The following HDAC9 variants were observed in gnomAD, a reference collection of about 807,000 sequenced individuals.
The protein encoded by HDAC9 is histone deacetylase 9.
In HDAC9, 41 loss-of-function variants were observed where a neutral mutation model predicts 139.4. The observed-to-expected ratio is 0.29, with a 90% CI of 0.23 to 0.38. HDAC9 has a LOEUF of 0.38. Among genes scored for constraint, HDAC9 ranks in the 10% least tolerant of loss-of-function variants. The pLI, the probability that HDAC9 is intolerant of heterozygous loss-of-function variation, is 1.00. For synonymous variants in HDAC9, 517 were observed against 476.2 expected, an observed-to-expected ratio of 1.09 and a Z score of -1.12; for missense variants, 1,147 against 1,297.0, an observed-to-expected ratio of 0.88 and a Z score of 1.78.
At chr7:18,190,575 C>T (rs924615760) in intron 2 of HDAC9, among the ~76,000 whole-genome samples, 2 of 152,240 alleles carry the variant, frequency 1.3e-5, no homozygotes, top group South Asian at 4.1e-4. Flanking sequence ...AAGGCATTAA[C>T]TGTAAGATTA....
At chr7:18,683,127 C>A (rs560023754) in intron 12 of HDAC9, among the ~76,000 whole-genome samples, 1 of 151,542 alleles carries the variant, frequency 6.6e-6, no homozygotes, top group African/African-American at 2.4e-5. Context: ...TTACAAAAAA[C>A]GAATAACAAT....
intron 21 of HDAC9, among the ~76,000 whole-genome samples, chr7:18,863,217 C>G (rs1798242168): frequency 6.6e-6 from 1 of 152,090 alleles, no homozygotes; most frequent in African/African-American, 2.4e-5. Context: ...GAGTGAGGCA[C>G]CAAGAAAATC....
intron 15 of HDAC9, 30 bp from the exon 16 acceptor site, chr7:18,767,072 TTATC>T (rs757216646): frequency 3.8e-6 from 4 of 1,045,588 alleles, no homozygotes; most frequent in African/African-American, 3.3e-5. Context: ...TAACCTCCAT[TTATC>T]TATATTTTTT....
At chr7:18,919,087 A>T (rs1288606205) in intron 22 of HDAC9, among the ~76,000 whole-genome samples, 1 of 152,110 alleles carries the variant, frequency 6.6e-6, no homozygotes, top group African/African-American at 2.4e-5. Flanking sequence ...GCCACAATTA[A>T]TGTAAAGGCC....
At chr7:18,385,685 T>C (rs894000529) in intron 1 of HDAC9, among the ~76,000 whole-genome samples, 1 of 152,192 alleles carries the variant, frequency 6.6e-6, no homozygotes, top group African/African-American at 2.4e-5. Context: ...TTCTCATAAA[T>C]TGGCTTTAGA....
At chr7:18,533,151 G>A (rs373207338) in intron 2 of HDAC9, among the ~76,000 whole-genome samples, 3 of 152,154 alleles carry the variant, frequency 2.0e-5, no homozygotes, top group African/African-American at 7.2e-5. Context: ...TTGCAAAATC[G>A]TACCCTCTAT....
intron 2 of HDAC9, among the ~76,000 whole-genome samples, chr7:18,556,153 C>T (rs1818730066): frequency 6.6e-6 from 1 of 151,952 alleles, no homozygotes; most frequent in South Asian, 2.1e-4. Flanking sequence ...AGCTGTGAAT[C>T]ATGGCTGTAT....
chr7:18,481,804 G>A (rs892385299), intron 1 of HDAC9, among the ~76,000 whole-genome samples: 1 of 152,162 alleles, frequency 6.6e-6, no homozygotes, highest in Admixed American at 6.5e-5. Flanking sequence ...ATGGAGCTAA[G>A]TCCAGGCTAG....
At chr7:18,459,944 C>CTTTTTTTT (rs773866817) in intron 1 of HDAC9, among the ~76,000 whole-genome samples, 1 of 129,360 alleles carries the variant, frequency 7.7e-6, no homozygotes. Context: ...TACAGATTTG[C>CTTTTTTTT]TTTTTTTTTT....
At chr7:18,219,760 CT>C (rs1792557145) in intron 2 of HDAC9, among the ~76,000 whole-genome samples, 2 of 152,070 alleles carry the variant, frequency 1.3e-5, no homozygotes, top group South Asian at 4.1e-4. Flanking sequence ...TTCCAAAAAA[CT>C]TTATTTTGGT....
chr7:18,801,945 T>A (rs954431450), intron 17 of HDAC9, among the ~76,000 whole-genome samples: 2 of 151,958 alleles, frequency 1.3e-5, no homozygotes, highest in Non-Finnish European at 1.5e-5. Context: ...ACCGCTTATT[T>A]TTCCTCTTTT....
intron 2 of HDAC9, among the ~76,000 whole-genome samples, chr7:18,500,060 G>T (rs1275745272): frequency 6.6e-6 from 1 of 152,088 alleles, no homozygotes; most frequent in Non-Finnish European, 1.5e-5. Context: ...TATCAATTGA[G>T]ATAGATGATA....
At chr7:18,763,769 C>CA (rs1345551514) in intron 15 of HDAC9, among the ~76,000 whole-genome samples, 6 of 151,962 alleles carry the variant, frequency 3.9e-5, no homozygotes, top group Non-Finnish European at 8.8e-5. Flanking sequence ...AGACTGTGTC[C>CA]ATGTCATTAT....
chr7:18,503,596 G>C (rs544820659), intron 2 of HDAC9, among the ~76,000 whole-genome samples: 6 of 152,204 alleles, frequency 3.9e-5, no homozygotes, highest in African/African-American at 9.6e-5. Flanking sequence ...TTCGTGTACA[G>C]TGTTTCTTAA....
chr7:18,448,868 C>T (rs923522666), intron 1 of HDAC9, among the ~76,000 whole-genome samples: 3 of 151,988 alleles, frequency 2.0e-5, no homozygotes, highest in Non-Finnish European at 4.4e-5. Context: ...ACCAAACCTA[C>T]AAGATTTGTG....
intron 22 of HDAC9, among the ~76,000 whole-genome samples, chr7:18,918,010 A>G (rs373403042): frequency 2.6e-5 from 4 of 151,886 alleles, no homozygotes; most frequent in African/African-American, 9.7e-5. Context: ...TTGATTACCT[A>G]TTGGCCAAAG....
chr7:18,393,530 T>C (rs1251856833), intron 1 of HDAC9, among the ~76,000 whole-genome samples: 1 of 152,058 alleles, frequency 6.6e-6, no homozygotes, highest in African/African-American at 2.4e-5. Flanking sequence ...TTTAAAAGGA[T>C]GGATGAGGTG....
intron 21 of HDAC9, among the ~76,000 whole-genome samples, chr7:18,860,760 C>G (rs1425127607): frequency 6.6e-6 from 1 of 152,158 alleles, no homozygotes; most frequent in Admixed American, 6.6e-5. Context: ...TGCTATGGAG[C>G]TGACCTCCTT....
chr7:18,331,024 T>G (rs1349944266), intron 1 of HDAC9, among the ~76,000 whole-genome samples: 4 of 151,824 alleles, frequency 2.6e-5, no homozygotes, highest in South Asian at 2.1e-4. Flanking sequence ...AATTAATAAC[T>G]GGTTTCTCTG....
Sources: allele counts gnomAD v4.1 joint callset (sites outside exome capture counted in the v4.1 genomes callset), GRCh38; gene constraint gnomAD v4.1.1; transcripts MANE v1.5; gene names NCBI Gene and HGNC (gene_info 2026-07-23, HGNC 2026-07-21).